The following GRIK1 variants were observed in gnomAD, a reference collection of about 807,000 sequenced individuals.
GRIK1 encodes the protein glutamate ionotropic receptor kainate type subunit 1, also known as glutamate receptor ionotropic, kainate 1.
GRIK1 carries 69 observed loss-of-function variants against 105.7 expected under a neutral mutation model. The ratio of observed to expected loss-of-function variants is 0.65; its 90% CI spans 0.54 to 0.80. The LOEUF (loss-of-function observed/expected upper bound fraction) is 0.80. Among genes scored for constraint, GRIK1 ranks in the 30% least tolerant of loss-of-function variants. GRIK1 has a pLI of 0.00. For synonymous variants in GRIK1, 438 were observed against 431.3 expected (o/e 1.02, Z -0.19); for missense variants, 1,109 against 1,167.3 (o/e 0.95, Z 0.73).
At chr21:29,820,274 A>C (rs116128175) in intron 1 of GRIK1, among the ~76,000 whole-genome samples, 1 of 151,874 alleles carries the variant, frequency 6.6e-6, no homozygotes, top group African/African-American at 2.4e-5. Context: ...CACCCTCATC[A>C]TTTCTCTGTT....
intron 7 of GRIK1, among the ~76,000 whole-genome samples, chr21:29,622,389 G>C (rs1395009886): frequency 1.3e-5 from 2 of 152,208 alleles, no homozygotes; most frequent in Non-Finnish European, 2.9e-5. Flanking sequence ...ACATGCTTTA[G>C]AATAAAATCT....
intron 1 of GRIK1, among the ~76,000 whole-genome samples, chr21:29,926,105 TAAAA>T (rs10587669): frequency 8.8e-4 from 131 of 148,140 alleles, no homozygotes; most frequent in South Asian, 4.9e-3. Flanking sequence ...CATAAAAAGC[TAAAA>T]AAAAAAAAAA....
At chr21:29,732,786 G>T (rs182698750) in intron 1 of GRIK1, among the ~76,000 whole-genome samples, 15 of 152,124 alleles carry the variant, frequency 9.9e-5, no homozygotes, top group African/African-American at 3.6e-4. Context: ...AAACAAATGG[G>T]ATCTGAATTT....
At chr21:29,709,055 T>C (rs2832432) in intron 1 of GRIK1, among the ~76,000 whole-genome samples, 3,527 of 152,208 alleles carry the variant, frequency 0.023, 132 homozygotes, top group East Asian at 0.11. Flanking sequence ...ACATGCTGTT[T>C]ATAATTTTAT....
rs2069895554 is a variant in GRIK1, at chr21:29,891,446, C to T, written c.118+47937G>A. Reference sequence around the variant, plus strand: ...ATTCCATTATAATCACAATGATAGCCTGTGTGGCGTGCATAATGCATTCTA... The same window carrying T: ...ATTCCATTATAATCACAATGATAGCTTGTGTGGCGTGCATAATGCATTCTA... On this transcript the variant is annotated intron_variant, in intron 1 of 17. Transcript: ENST00000327783. Among the ~76,000 whole-genome samples the T allele has an allele frequency of 4.6e-5, 7 of 152,160 alleles. 1 individual carries two copies. In the South Asian group the frequency reaches 1.4e-3, roughly 32 times the overall value.
At chr21:29,749,418 G>T (rs1684044965) in intron 1 of GRIK1, among the ~76,000 whole-genome samples, 1 of 152,154 alleles carries the variant, frequency 6.6e-6, no homozygotes. Flanking sequence ...AATAGCCTTG[G>T]CCTCAGCATC....
At chr21:29,712,408 A>T (rs2064079182) in intron 1 of GRIK1, among the ~76,000 whole-genome samples, 1 of 152,082 alleles carries the variant, frequency 6.6e-6, no homozygotes, top group Non-Finnish European at 1.5e-5. Context: ...TAAAATTATA[A>T]CATATTATGA....
intron 1 of GRIK1, among the ~76,000 whole-genome samples, chr21:29,768,281 G>C (rs1002030762): frequency 6.6e-6 from 1 of 152,142 alleles, no homozygotes; most frequent in Non-Finnish European, 1.5e-5. Context: ...TTTCATCTCT[G>C]ATCTGGGATA....
At chr21:29,622,202 C>A (rs2062020696) in intron 7 of GRIK1, among the ~76,000 whole-genome samples, 1 of 152,180 alleles carries the variant, frequency 6.6e-6, no homozygotes, top group Non-Finnish European at 1.5e-5. Flanking sequence ...CCGTCTCAGC[C>A]TCCCAAAGTG....
chr21:29,816,595 A>T (rs2145910358), intron 1 of GRIK1, among the ~76,000 whole-genome samples: 1 of 152,282 alleles, frequency 6.6e-6, no homozygotes, highest in Non-Finnish European at 1.5e-5. Flanking sequence ...TACACAGTGT[A>T]ATACTATTCA....
At chr21:29,873,763 A>G (rs528279198) in intron 1 of GRIK1, among the ~76,000 whole-genome samples, 3 of 152,214 alleles carry the variant, frequency 2.0e-5, no homozygotes, top group Non-Finnish European at 4.4e-5. Context: ...TTTAGATTTT[A>G]TCCTGTAAAA....
intron 1 of GRIK1, among the ~76,000 whole-genome samples, chr21:29,848,779 A>ATATATATATATATATATATATTTTTTT: frequency 2.1e-4 from 16 of 77,860 alleles, no homozygotes; most frequent in African/African-American, 3.5e-4. Flanking sequence ...ATATATATAT[A>ATATATATATATATATATATATTTTTTT]TTTTTTTTTT....
intron 1 of GRIK1, among the ~76,000 whole-genome samples, chr21:29,897,680 C>A (rs984210704): frequency 2.6e-5 from 4 of 152,196 alleles, no homozygotes; most frequent in Non-Finnish European, 5.9e-5. Context: ...AATGTGACAT[C>A]TTAAAAGCTT....
chr21:29,630,705 A>G, intron 7 of GRIK1: 1 of 405,146 alleles, frequency 2.5e-6, no homozygotes, highest in Non-Finnish European at 5.0e-6. Context: ...CAGACTTCTC[A>G]TCTACAGAAA....
At chr21:29,691,999 TAAAAG>T (rs897782638) in intron 2 of GRIK1, among the ~76,000 whole-genome samples, 10 of 152,182 alleles carry the variant, frequency 6.6e-5, no homozygotes, top group African/African-American at 2.4e-4. Flanking sequence ...TTTAGCCAGA[TAAAAG>T]GAGAGTATGG....
intron 1 of GRIK1, among the ~76,000 whole-genome samples, chr21:29,934,485 T>C (rs1223706948): frequency 6.6e-6 from 1 of 152,096 alleles, no homozygotes; most frequent in Non-Finnish European, 1.5e-5. Context: ...TTCAAGTTCA[T>C]GTTAGGACAA....
intron 1 of GRIK1, among the ~76,000 whole-genome samples, chr21:29,718,421 A>G (rs572050154): frequency 6.6e-6 from 1 of 152,356 alleles, no homozygotes; most frequent in Non-Finnish European, 1.5e-5. Flanking sequence ...ATATGCGTCT[A>G]AAACACAAAC....
At chr21:29,693,641 C>T (rs1158466294) in intron 2 of GRIK1, among the ~76,000 whole-genome samples, 1 of 152,164 alleles carries the variant, frequency 6.6e-6, no homozygotes, top group Admixed American at 6.5e-5. Context: ...ATTTTCCATT[C>T]ACAGCTGAGC....
chr21:29,780,272 A>G (rs948718107), intron 1 of GRIK1, among the ~76,000 whole-genome samples: 5 of 152,232 alleles, frequency 3.3e-5, no homozygotes, highest in African/African-American at 9.6e-5. Flanking sequence ...AGCCATGTCC[A>G]TGAGATTACA....
Sources: gnomAD v4.1 joint callset for allele counts (sites outside exome capture counted in the v4.1 genomes callset) on GRCh38, gnomAD v4.1.1 for gene constraint, MANE v1.5 for transcripts, NCBI Gene and HGNC (gene_info 2026-07-23, HGNC 2026-07-21) for gene names.